Variants in PTPRK observed in about 807,000 individuals in gnomAD.
PTPRK encodes the protein receptor-type tyrosine-protein phosphatase kappa.
In PTPRK, 75 loss-of-function variants were observed where a neutral mutation model predicts 178.0. The observed-to-expected ratio is 0.42, with a 90% confidence interval of 0.35 to 0.51. PTPRK has a LOEUF of 0.51. PTPRK is among the 20% of genes least tolerant of loss of function. PTPRK has a pLI of 0.02. For synonymous variants in PTPRK, 637 were observed against 620.6 expected, an observed-to-expected ratio of 1.03 and a Z score of -0.39; for missense variants, 1,441 against 1,797.8, an observed-to-expected ratio of 0.80 and a Z score of 3.59.
intron 1 of PTPRK, among the ~76,000 whole-genome samples, chr6:128,423,025 T>A (rs149146275): frequency 9.5e-4 from 144 of 152,370 alleles, no homozygotes; most frequent in Middle Eastern, 3.4e-3. Flanking sequence ...AAACTATTTG[T>A]AATTTTAGTC....
intron 3 of PTPRK, among the ~76,000 whole-genome samples, chr6:128,308,673 T>G (rs566115272): frequency 6.6e-6 from 1 of 152,074 alleles, no homozygotes; most frequent in African/African-American, 2.4e-5. Flanking sequence ...ATGAAAGGAA[T>G]AGCAACCAAG....
intron 6 of PTPRK, among the ~76,000 whole-genome samples, chr6:128,186,071 T>C (rs1349340241): frequency 6.6e-6 from 1 of 152,118 alleles, no homozygotes; most frequent in Non-Finnish European, 1.5e-5. Context: ...CTAAAGTAAT[T>C]TTCAAGAAGA....
chr6:128,259,602 ATG>A (rs1437739128), intron 3 of PTPRK, among the ~76,000 whole-genome samples: 1 of 152,190 alleles, frequency 6.6e-6, no homozygotes, highest in Non-Finnish European at 1.5e-5. Flanking sequence ...TATTTCTTCA[ATG>A]ATTTCGTTAC....
intron 25 of PTPRK, 37 bp from the exon 26 acceptor site, chr6:127,977,091 C>A: frequency 6.2e-7 from 1 of 1,603,010 alleles, no homozygotes; most frequent in South Asian, 1.1e-5. Context: ...AATATAAAAA[C>A]TTAAAATGTA....
intron 7 of PTPRK, among the ~76,000 whole-genome samples, chr6:128,091,695 AT>A (rs144388017): frequency 0.012 from 1,859 of 152,134 alleles, 36 homozygotes; most frequent in African/African-American, 0.041. Context: ...TAATTCTTTA[AT>A]TTTTTATTTT....
chr6:128,090,137 G>GAATAA, intron 7 of PTPRK, 145 bp from the exon 8 acceptor site: 2 of 676,860 alleles, frequency 3.0e-6, no homozygotes, highest in South Asian at 2.2e-5. Context: ...ATTTATTCAT[G>GAATAA]ATCCTATTCT....
At chr6:128,363,020 G>C (rs913626917) in intron 2 of PTPRK, among the ~76,000 whole-genome samples, 3 of 152,106 alleles carry the variant, frequency 2.0e-5, no homozygotes, top group Admixed American at 1.3e-4. Flanking sequence ...GAATCACTGG[G>C]AATTCAGTAA....
At chr6:127,990,963 A>G (rs1035836090) in intron 20 of PTPRK, 78 bp from the exon 21 acceptor site, 22 of 812,296 alleles carry the variant, frequency 2.7e-5, no homozygotes, top group Non-Finnish European at 4.1e-5. Flanking sequence ...TCCAGCAATA[A>G]CTCCTTGTCA....
chr6:128,128,199 A>AT (rs199500606), intron 7 of PTPRK, among the ~76,000 whole-genome samples: 287 of 152,292 alleles, frequency 1.9e-3, no homozygotes, highest in African/African-American at 6.1e-3. Context: ...CACTAATTTC[A>AT]TTTTTTAAAG....
At chr6:128,426,464 T>C (rs1844154448) in intron 1 of PTPRK, among the ~76,000 whole-genome samples, 2 of 152,214 alleles carry the variant, frequency 1.3e-5, no homozygotes, top group Non-Finnish European at 2.9e-5. Context: ...ACCTTATCAT[T>C]GTATTCTTCT....
chr6:128,439,249 TG>T (rs938946478), intron 1 of PTPRK, among the ~76,000 whole-genome samples: 59 of 151,910 alleles, frequency 3.9e-4, no homozygotes, highest in Non-Finnish European at 6.8e-4. Context: ...AGTGGTGGGG[TG>T]GGGGGCTATG....
At chr6:127,994,030 T>C (rs1776880123) in intron 18 of PTPRK, among the ~76,000 whole-genome samples, 1 of 151,762 alleles carries the variant, frequency 6.6e-6, no homozygotes, top group Non-Finnish European at 1.5e-5. Context: ...TTTTTTATTC[T>C]AAAAATTAGA....
At chr6:128,237,022 T>C (rs764605358) in intron 5 of PTPRK, among the ~76,000 whole-genome samples, 1 of 152,228 alleles carries the variant, frequency 6.6e-6, no homozygotes, top group Non-Finnish European at 1.5e-5. Flanking sequence ...ATATATTAAT[T>C]ATAACCTAGA....
chr6:128,445,373 G>A (rs893297374), intron 1 of PTPRK, among the ~76,000 whole-genome samples: 2 of 145,286 alleles, frequency 1.4e-5, no homozygotes, highest in Non-Finnish European at 3.0e-5. Flanking sequence ...TACATATAAA[G>A]TATATTTGTA....
rs187728506 is a variant in PTPRK at position 128,400,000 on chromosome 6, T to C, written c.101-2312A>G. 1.4e-3 allele frequency among the ~76,000 whole-genome samples: 211 copies of C among 152,328 alleles called. 1 individual carries two copies. Among genetic ancestry groups the C allele is most frequent in the African/African-American group, 4.7e-3 (196 of 41,590 alleles). On this transcript the variant is annotated intron_variant, in intron 1 of 29. Transcript: ENST00000368226. ...AATCCAAGAGGCATAAAATATAGCATACTAATAAAACTTTTACAAATTTTT... is the reference window on the plus strand; with the variant it reads ...AATCCAAGAGGCATAAAATATAGCACACTAATAAAACTTTTACAAATTTTT...
intron 14 of PTPRK, chr6:128,008,092 A>G: frequency 7.5e-7 from 1 of 1,339,120 alleles, no homozygotes; most frequent in Non-Finnish European, 1.0e-6. Context: ...ATATATCTCC[A>G]GGGGATAATC....
At chr6:128,150,372 T>C (rs899407713) in intron 7 of PTPRK, among the ~76,000 whole-genome samples, 12 of 152,090 alleles carry the variant, frequency 7.9e-5, no homozygotes, top group African/African-American at 2.9e-4. Context: ...AGAGGAGGTA[T>C]ATAACTCTAC....
chr6:128,354,214 T>A (rs1412358141), intron 2 of PTPRK, among the ~76,000 whole-genome samples: 4 of 145,056 alleles, frequency 2.8e-5, no homozygotes, highest in Non-Finnish European at 4.5e-5. Flanking sequence ...TTACATGTAT[T>A]TTGGTTTTTT....
chr6:128,328,210 T>G (rs934010030), intron 2 of PTPRK, among the ~76,000 whole-genome samples: 10 of 152,200 alleles, frequency 6.6e-5, no homozygotes, highest in Non-Finnish European at 1.3e-4. Context: ...AGCTTAACAC[T>G]GTGCCAGCTG....
Sources: gnomAD v4.1 joint callset for allele counts (sites outside exome capture counted in the v4.1 genomes callset) on GRCh38, gnomAD v4.1.1 for gene constraint, MANE v1.5 for transcripts, NCBI Gene and HGNC (gene_info 2026-07-23, HGNC 2026-07-21) for gene names.